The following ARK2C variants were observed in gnomAD, a reference collection of about 807,000 sequenced individuals.
ARK2C encodes E3 ubiquitin-protein ligase ARK2C.
the ARK2C span, chr18:46,456,486 G>A: frequency 6.7e-7 from 1 of 1,497,486 alleles, no homozygotes; most frequent in African/African-American, 1.4e-5. Flanking sequence ...CTCAGCTCTT[G>A]CCGGGCCTCT....
the ARK2C span, among the ~76,000 whole-genome samples, chr18:46,353,310 C>T: frequency 6.6e-5 from 10 of 152,298 alleles, no homozygotes; most frequent in Non-Finnish European, 1.0e-4. Flanking sequence ...ATCTGAGAGA[C>T]GGGGATGTCA....
the ARK2C span, among the ~76,000 whole-genome samples, chr18:46,391,207 G>A: frequency 6.6e-6 from 1 of 152,172 alleles, no homozygotes; most frequent in Non-Finnish European, 1.5e-5. Flanking sequence ...TTGCTCATGG[G>A]TTCATTTCAC....
At chr18:46,399,472 G>A in the ARK2C span, among the ~76,000 whole-genome samples, 1 of 152,236 alleles carries the variant, frequency 6.6e-6, no homozygotes, top group Non-Finnish European at 1.5e-5. Flanking sequence ...CTCCTGTGAG[G>A]AGCCGGTTTT....
the ARK2C span, chr18:46,447,559 G>T: frequency 6.2e-7 from 1 of 1,614,024 alleles, no homozygotes; most frequent in Middle Eastern, 1.7e-4. Context: ...CTGTTTCCCT[G>T]CAGGGATCTC....
chr18:46,377,917 A>G, the ARK2C span, among the ~76,000 whole-genome samples: 1 of 152,068 alleles, frequency 6.6e-6, no homozygotes, highest in African/African-American at 2.4e-5. Flanking sequence ...CAAACATCCA[A>G]GAAGAAGTTC....
the ARK2C span, among the ~76,000 whole-genome samples, chr18:46,361,531 G>A: frequency 1.1e-4 from 16 of 152,306 alleles, 1 homozygote; most frequent in Admixed American, 9.8e-4. Context: ...CGGCCACACG[G>A]TTCCCCTCCA....
At chr18:46,379,548 C>A in the ARK2C span, among the ~76,000 whole-genome samples, 2 of 152,152 alleles carry the variant, frequency 1.3e-5, no homozygotes, top group Non-Finnish European at 2.9e-5. Context: ...ACAGCACCGC[C>A]CTCATTTGTT....
chr18:46,339,786 T>G, the ARK2C span, among the ~76,000 whole-genome samples: 1 of 152,250 alleles, frequency 6.6e-6, no homozygotes, highest in Admixed American at 6.5e-5. Flanking sequence ...TTACTCAAAT[T>G]TAGGGAAAAG....
the ARK2C span, chr18:46,456,480 G>T: frequency 6.2e-6 from 9 of 1,450,526 alleles, no homozygotes; most frequent in African/African-American, 2.8e-5. Context: ...GTGTCCCTCA[G>T]CTCTTGCCGG....
the ARK2C span, among the ~76,000 whole-genome samples, chr18:46,374,441 C>A: frequency 6.6e-6 from 1 of 152,166 alleles, no homozygotes; most frequent in African/African-American, 2.4e-5. Flanking sequence ...CAGCCCCTGG[C>A]AGCCTTTATT....
chr18:46,401,535 C>G, the ARK2C span, among the ~76,000 whole-genome samples: 2 of 152,226 alleles, frequency 1.3e-5, no homozygotes, highest in Non-Finnish European at 2.9e-5. Flanking sequence ...CCCATGATCA[C>G]CCTGCTACTC....
chr18:46,349,013 C>G, the ARK2C span, among the ~76,000 whole-genome samples: 1 of 151,604 alleles, frequency 6.6e-6, no homozygotes, highest in Non-Finnish European at 1.5e-5. Context: ...AGCCTGGGAA[C>G]TGGGTCATCT....
chr18:46,371,453 A>T, the ARK2C span, among the ~76,000 whole-genome samples: 2 of 152,354 alleles, frequency 1.3e-5, no homozygotes, highest in African/African-American at 4.8e-5. Context: ...ATTCTCAGTC[A>T]TCTCAGAGAG....
At chr18:46,409,645 T>C in the ARK2C span, among the ~76,000 whole-genome samples, 3 of 152,084 alleles carry the variant, frequency 2.0e-5, no homozygotes, top group African/African-American at 7.2e-5. Context: ...TCAGTCCTGG[T>C]ATTGAACTTG....
the ARK2C span, among the ~76,000 whole-genome samples, chr18:46,405,664 G>C: frequency 6.6e-6 from 1 of 152,178 alleles, no homozygotes; most frequent in Admixed American, 6.5e-5. Context: ...GGTAGGGTTG[G>C]GGAGGAGCAG....
At chr18:46,364,779 C>T in the ARK2C span, among the ~76,000 whole-genome samples, 18 of 152,258 alleles carry the variant, frequency 1.2e-4, no homozygotes, top group Non-Finnish European at 1.9e-4. Context: ...GCACGGCCAC[C>T]GAGGTCATAG....
the ARK2C span, among the ~76,000 whole-genome samples, chr18:46,350,992 AT>A: frequency 7.5e-4 from 114 of 152,306 alleles, no homozygotes; most frequent in African/African-American, 2.7e-3. Flanking sequence ...GCCATAAATC[AT>A]GGCAGACGCC....
the ARK2C span, among the ~76,000 whole-genome samples, chr18:46,403,538 A>C: frequency 6.6e-6 from 1 of 152,180 alleles, no homozygotes; most frequent in East Asian, 1.9e-4. Flanking sequence ...CATTTCAATG[A>C]CTACTTATTG....
the ARK2C span, among the ~76,000 whole-genome samples, chr18:46,339,984 G>A: frequency 6.6e-6 from 1 of 152,170 alleles, no homozygotes; most frequent in Non-Finnish European, 1.5e-5. Context: ...CTGGATCCAA[G>A]GGCAGCAGGG....
Sources: gnomAD v4.1 joint callset for allele counts (sites outside exome capture counted in the v4.1 genomes callset) on GRCh38, gnomAD v4.1.1 for gene constraint, MANE v1.5 for transcripts, NCBI Gene and HGNC (gene_info 2026-07-23, HGNC 2026-07-21) for gene names.